The following SMS variants were observed in gnomAD, a reference collection of about 807,000 sequenced individuals.
SMS encodes the protein spermidine aminopropyltransferase.
Under a neutral mutation model 33.0 loss-of-function variants are expected in SMS, and 3 were observed. That is an observed-to-expected ratio of 0.09 (90% CI 0.04 to 0.23). The LOEUF is 0.23. Among genes scored for constraint, SMS ranks in the 10% least tolerant of loss-of-function variants. SMS has a pLI of 1.00. For missense variants in SMS, 117 were observed against 288.6 expected (o/e 0.41, Z 4.31); for synonymous variants, 103 against 112.2 (o/e 0.92, Z 0.52).
intron 1 of SMS, among the ~76,000 whole-genome samples, chrX:21,965,583 A>G (rs5951675): frequency 2.2e-5 from 1 of 44,473 alleles, no homozygotes; most frequent in Non-Finnish European, 4.8e-5. Context: ...TACTACAAAT[A>G]CAAAAAAAAA....
intron 1 of SMS, among the ~76,000 whole-genome samples, chrX:21,945,634 T>TCCCCCCCCCCCCCCCCC (rs376720187): frequency 2.6e-4 from 9 of 34,135 alleles, no homozygotes; most frequent in African/African-American, 3.7e-4. Flanking sequence ...TTGCTTCCCG[T>TCCCCCCCCCCCCCCCCC]CCCCCCCCCC....
intron 1 of SMS, among the ~76,000 whole-genome samples, chrX:21,954,373 C>G (rs1043580849): frequency 8.9e-6 from 1 of 112,038 alleles, no homozygotes; most frequent in Non-Finnish European, 1.9e-5. Flanking sequence ...AAAGCTTGCC[C>G]GTTCCTGCCT....
chrX:21,976,714 T>C (rs985701305), intron 4 of SMS, among the ~76,000 whole-genome samples: 1 of 111,898 alleles, frequency 8.9e-6, no homozygotes, highest in Non-Finnish European at 1.9e-5. Context: ...CCATGTGAAC[T>C]GGTGTAAATG....
At position 21,983,482 on chromosome X, in the gene SMS, C is replaced by T. The variant is rs1162423585; in HGVS notation, c.751-822C>T. 4.5e-5 allele frequency among the ~76,000 whole-genome samples: 5 copies of T among 110,856 alleles called. No individual in the cohort carries two copies. The East Asian group carries it at 8.4e-4, about 19-fold the overall frequency. On this transcript the variant is annotated intron_variant, in intron 7 of 10. Coordinates refer to ENST00000404933, the MANE Select transcript of SMS (RefSeq NM_004595.5). ...GATGTTGCTTAGATCCAGATGTGTC[C>T]CCAGCATAGAGCCTCAGTACTTCAA...
intron 7 of SMS, 129 bp from the exon 8 acceptor site, chrX:21,984,175 G>A: frequency 1.8e-6 from 1 of 540,932 alleles, no homozygotes; most frequent in Non-Finnish European, 3.3e-6. Flanking sequence ...GGTTCCTGTA[G>A]CAGTTGCTGT....
At chrX:21,989,276 TAAACA>T in intron 9 of SMS, among the ~76,000 whole-genome samples, 2 of 110,455 alleles carry the variant, frequency 1.8e-5, no homozygotes, top group Middle Eastern at 9.3e-3. Context: ...ACCTCTAAAA[TAAACA>T]AAAGCAAATG....
chrX:21,984,724 C>T (rs1165935574), intron 8 of SMS, among the ~76,000 whole-genome samples: 1 of 111,909 alleles, frequency 8.9e-6, no homozygotes, highest in Non-Finnish European at 1.9e-5. Context: ...AAACTGGTCA[C>T]TTATCTAAGC....
intron 10 of SMS, among the ~76,000 whole-genome samples, chrX:21,993,571 G>A (rs1925897269): frequency 8.9e-6 from 1 of 112,039 alleles, no homozygotes; most frequent in Admixed American, 9.4e-5. Context: ...TCAGGCTGGG[G>A]CAGAGCCCGA....
At chrX:21,944,522 C>CAAAA (rs777680386) in intron 1 of SMS, among the ~76,000 whole-genome samples, 45 of 34,575 alleles carry the variant, frequency 1.3e-3, no homozygotes, top group Middle Eastern at 0.019. Context: ...CCTGTCTCTA[C>CAAAA]AAAAAAAAAA....
chrX:21,960,687 C>T (rs1249663752), intron 1 of SMS, among the ~76,000 whole-genome samples: 2 of 111,610 alleles, frequency 1.8e-5, no homozygotes, highest in South Asian at 3.7e-4. Context: ...CTGTTCCAAC[C>T]GCCTCATTTT....
intron 1 of SMS, among the ~76,000 whole-genome samples, chrX:21,952,417 GTTTGTTTTTTTTT>G (rs1569342248): frequency 1.4e-5 from 1 of 71,976 alleles, no homozygotes; most frequent in African/African-American, 5.3e-5. Context: ...TTGTTTGTTT[GTTTGTTTTTTTTT>G]TTTTTTGAAT....
intron 1 of SMS, among the ~76,000 whole-genome samples, chrX:21,949,835 G>A (rs983225309): frequency 1.8e-5 from 2 of 110,250 alleles, no homozygotes; most frequent in Non-Finnish European, 3.8e-5. Flanking sequence ...TCCCTAATCC[G>A]AAATGCTCCA....
chrX:21,973,146 C>T (rs1049008516), intron 4 of SMS, among the ~76,000 whole-genome samples: 1 of 111,883 alleles, frequency 8.9e-6, no homozygotes, highest in South Asian at 3.7e-4. Flanking sequence ...TATGGACCAA[C>T]TCCAAGGAGT....
intron 2 of SMS, among the ~76,000 whole-genome samples, chrX:21,967,810 C>T (rs1286087873): frequency 8.9e-6 from 1 of 112,458 alleles, no homozygotes; most frequent in Admixed American, 9.3e-5. Context: ...GGGACTTTAG[C>T]GTAATAGTAA....
intron 4 of SMS, among the ~76,000 whole-genome samples, chrX:21,973,074 T>G: frequency 9.0e-6 from 1 of 111,439 alleles, no homozygotes; most frequent in Middle Eastern, 4.6e-3. Context: ...TGTATGAACA[T>G]TCATGTGCAT....
intron 1 of SMS, chrX:21,959,878 G>T: frequency 1.3e-6 from 1 of 748,195 alleles, no homozygotes; most frequent in South Asian, 6.8e-5. Flanking sequence ...TTGCCAGCCA[G>T]CTCGCACACC....
chrX:21,951,081 A>G lies in SMS; in HGVS notation c.49+10208A>G, dbSNP rs148634997. On this transcript the variant is annotated intron_variant, in intron 1 of 10. Transcript: ENST00000404933. ...CCACCAACAGTGTAAAAGCATTCCT[A>G]TTTCTCCACACCTCTCCAGCATTTG... 2.8e-3 allele frequency among the ~76,000 whole-genome samples: 317 copies of G among 112,000 alleles called. 3 individuals are homozygous for G. Among genetic ancestry groups the G allele is most frequent in the Non-Finnish European group, 4.8e-3 (254 of 53,205 alleles).
At chrX:21,944,522 CAAAAAAAAA>C (rs777680386) in intron 1 of SMS, among the ~76,000 whole-genome samples, 1 of 34,711 alleles carries the variant, frequency 2.9e-5, no homozygotes, top group African/African-American at 1.2e-4. Flanking sequence ...CCTGTCTCTA[CAAAAAAAAA>C]AAAAAAAAAA....
chrX:21,974,877 A>G (rs1215192182), intron 4 of SMS, among the ~76,000 whole-genome samples: 2 of 97,769 alleles, frequency 2.0e-5, no homozygotes, highest in Non-Finnish European at 4.0e-5. Flanking sequence ...TTTTTTTTTT[A>G]AATCTGGAGA....
Sources: allele counts gnomAD v4.1 joint callset (sites outside exome capture counted in the v4.1 genomes callset), GRCh38; gene constraint gnomAD v4.1.1; transcripts MANE v1.5; gene names NCBI Gene and HGNC (gene_info 2026-07-23, HGNC 2026-07-21).